CNKSR1: variants seen among roughly 807,000 people sequenced by gnomAD.
CNKSR1 encodes connector enhancer of kinase suppressor of Ras 1.
In CNKSR1, 88 loss-of-function variants were observed where a neutral mutation model predicts 95.6. That is an observed-to-expected ratio of 0.92 (90% CI 0.78 to 1.10). The LOEUF is 1.10. Ranked by LOEUF, CNKSR1 falls within the 50% of genes least tolerant of loss-of-function variation. CNKSR1 has a pLI of 0.00. For missense variants in CNKSR1, 836 were observed against 912.0 expected (o/e 0.92, Z 1.07); for synonymous variants, 355 against 369.7 (o/e 0.96, Z 0.46).
rs1039078442 is a variant in CNKSR1, at chr1:26,189,371, G to C, written c.1965G>C (p.Arg655=). 8.7e-6 allele frequency: 14 copies of C among 1,613,890 alleles called. No homozygotes were observed. Among genetic ancestry groups the C allele is most frequent in the Non-Finnish European group, 9.3e-6 (11 of 1,179,890 alleles). ...TCCGCCAGTGGAAGGAGCAGAACCG[G>C]GAGCTGTACTCAGAGGGCCTGGGGG... is the stretch of plus-strand genomic sequence containing the variant. ...EKFRQWKEQN[R]ELYSEGLGAW... is the part of the protein sequence containing the mutation. Residue 655 remains arginine (R), a synonymous_variant, in exon 21 of 21, where the codon CGG becomes CGC. Transcript: ENST00000361530.
chr1:26,183,934 C>A, intron 9 of CNKSR1, 104 bp downstream of exon 9: 2 of 537,956 alleles, frequency 3.7e-6, no homozygotes, highest in East Asian at 7.1e-5. Flanking sequence ...CCAACAGGCA[C>A]CTTCCCCTGC....
At chr1:26,188,123 C>T (rs1004365799) in intron 16 of CNKSR1, 111 bp from the exon 17 acceptor site, 1 of 903,914 alleles carries the variant, frequency 1.1e-6, no homozygotes, top group Admixed American at 1.9e-5. Flanking sequence ...GAGTTCATCC[C>T]TCTCAGAGTT....
rs757554517 is a variant in CNKSR1 at position 26,184,356 on chromosome 1, G to T, written c.1001-45G>T. 1.1e-4 allele frequency: 181 copies of T among 1,606,532 alleles called. 1 individual carries two copies. The highest frequency in any genetic ancestry group is 9.5e-4 in the Admixed American group (57 of 59,980). ...CACCCAGTTCTGACCCCAAGCCTGG[G>T]ACTGGGCTCATAGACTTTCCCTCTC... On this transcript the variant is annotated intron_variant, in intron 11 of 20. Transcript: ENST00000361530.
intron 8 of CNKSR1, 146 bp downstream of exon 8, chr1:26,183,560 T>C: frequency 4.8e-6 from 5 of 1,038,642 alleles, no homozygotes; most frequent in Non-Finnish European, 6.0e-6. Flanking sequence ...GGTGAGAGCA[T>C]CCTCTGCAGA....
chr1:26,177,979 AAAT>A (rs2088589467), intron 1 of CNKSR1, among the ~76,000 whole-genome samples: 2 of 152,068 alleles, frequency 1.3e-5, no homozygotes, highest in Admixed American at 6.5e-5. Context: ...AGAAAAAAAA[AAAT>A]AATAAACTGC....
intron 14 of CNKSR1, 132 bp downstream of exon 14, chr1:26,185,318 A>G: frequency 1.0e-6 from 1 of 962,914 alleles, no homozygotes; most frequent in Non-Finnish European, 1.6e-6. Context: ...TGGGGACTTT[A>G]TTCAGAGAGA....
rs191793424 is a variant in CNKSR1 at position 26,186,696 on chromosome 1, G to A, written c.1309-472G>A. 5.4e-4 allele frequency among the ~76,000 whole-genome samples: 82 copies of A among 151,708 alleles called. 1 individual carries two copies. Among genetic ancestry groups the A allele is most frequent in the African/African-American group, 1.9e-3 (77 of 41,334 alleles). On this transcript the variant is annotated intron_variant, in intron 14 of 20. Coordinates refer to ENST00000361530, the MANE Select transcript of CNKSR1 (RefSeq NM_006314.3). ...TCACCATGTTGGCCAGGCTGGTCTC[G>A]AACTCCTGACCTCATGATCTGCCCG...
chr1:26,180,217 A>C (rs1015956325), intron 1 of CNKSR1: 1 of 580,320 alleles, frequency 1.7e-6, no homozygotes, highest in African/African-American at 1.9e-5. Context: ...CATTTCTAAC[A>C]AGTTCTCCGG....
At chr1:26,182,664 C>CA (rs2088667366) in intron 6 of CNKSR1, 80 bp downstream of exon 6, 1 of 1,250,728 alleles carries the variant, frequency 8.0e-7, no homozygotes. Context: ...CAGGATCCCA[C>CA]AGAACCCTGT....
intron 14 of CNKSR1, among the ~76,000 whole-genome samples, chr1:26,185,518 G>A (rs968143212): frequency 2.7e-5 from 4 of 149,930 alleles, no homozygotes; most frequent in African/African-American, 7.4e-5. Context: ...TCAGCCTCCC[G>A]AGCAGCTGGA....
At position 26,189,660 on chromosome 1, in the gene CNKSR1, A is replaced by G. The variant is rs1467665688; in HGVS notation, c.*112A>G. On this transcript the variant is annotated 3_prime_UTR_variant, in exon 21 of 21. Transcript: ENST00000361530. ...GATTCTGTTCAGGGTGGGAAGTAGT[A>G]CTGCTAGTCATGGTCTCACCCCGAG... is the stretch of plus-strand genomic sequence containing the variant. 2.5e-6 allele frequency: 2 copies of G among 787,280 alleles called. No individual in the cohort carries two copies. Among genetic ancestry groups the G allele is most frequent in the South Asian group, 1.3e-5 (1 of 74,560 alleles). 48.8% of individuals were successfully genotyped at this position (787,280 alleles called of 1,614,324 possible).
rs781237931 is a variant in CNKSR1, at chr1:26,180,731, CAG to C, written c.231_232del (p.Asn78ProfsTer14). The C allele has an allele frequency of 7.4e-6, 12 of 1,614,194 alleles. No individual in the cohort carries two copies. Among genetic ancestry groups the C allele is most frequent in the Admixed American group, 1.7e-5 (1 of 60,022 alleles). Reference sequence around the variant, plus strand: ...CTGGCACAGAGCTCCAGGCTACAGACAGAGAACCTGCAAAGCCTGACAGAGGG... The same window carrying C: ...CTGGCACAGAGCTCCAGGCTACAGACAGAACCTGCAAAGCCTGACAGAGGG... On this transcript the variant is annotated frameshift_variant, in exon 3 of 21. Transcript: ENST00000361530. LOFTEE classifies it high-confidence loss of function.
chr1:26,188,310 A>AG lies in CNKSR1; in HGVS notation c.1528+5dup. ...GGCCCCCCCACCCCGAGAGGAAGGT[A>AG]GGTGTCTCGCAGGGTTGAGTGGGAG... On this transcript the variant is annotated splice_donor_region_variant and intron_variant, in intron 17 of 20. Coordinates refer to ENST00000361530, the MANE Select transcript of CNKSR1 (RefSeq NM_006314.3). 1 of 1,613,926 alleles carries AG rather than the reference A, an allele frequency of 6.2e-7. No homozygotes were observed. Among genetic ancestry groups the AG allele is most frequent in the Non-Finnish European group, 8.5e-7 (1 of 1,179,886 alleles).
Position 26,184,996 on chromosome 1 carries a change from T to C in CNKSR1, c.1136-18T>C, listed in dbSNP as rs759999094. On this transcript the variant is annotated intron_variant, in intron 13 of 20. Coordinates refer to ENST00000361530, the MANE Select transcript of CNKSR1 (RefSeq NM_006314.3). ...CTTGCCAGCCCCTCACTGCCCAGCT[T>C]GTGCTGTGCTGCTACAGGCCTGGCG... 8.2e-6 allele frequency: 13 copies of C among 1,586,976 alleles called. No homozygotes were observed. In the African/African-American group the frequency reaches 1.7e-4, roughly 21 times the overall value.
chr1:26,189,352 A>G lies in CNKSR1; in HGVS notation c.1946A>G (p.Gln649Arg). ...DPELTGEKFR[Q>R]WKEQNRELYS... The stretch of plus-strand genomic sequence containing the variant: ...GAGCTGACAGGAGAGAAGTTCCGCC[A>G]GTGGAAGGAGCAGAACCGGGAGCTG... The change falls in exon 21 of 21, where the codon CAG becomes CGG. Residue 649 changes from glutamine to arginine, a missense_variant. By Grantham distance (43) the Gln-to-Arg change is conservative (BLOSUM62 1). Coordinates refer to ENST00000361530, the MANE Select transcript of CNKSR1 (RefSeq NM_006314.3). 6.2e-7 allele frequency: 1 copy of G among 1,614,144 alleles called. No homozygotes were observed. The highest frequency in any genetic ancestry group is 1.1e-5 in the South Asian group (1 of 91,082).
At chr1:26,186,561 T>G (rs2124514808) in intron 14 of CNKSR1, among the ~76,000 whole-genome samples, 1 of 151,878 alleles carries the variant, frequency 6.6e-6, no homozygotes, top group East Asian at 1.9e-4. Context: ...GGCAACCTTT[T>G]CCTCCCAGGT....
At chr1:26,187,645 CAG>C (rs2088779528) in intron 16 of CNKSR1, among the ~76,000 whole-genome samples, 163 bp downstream of exon 16, 2 of 123,490 alleles carry the variant, frequency 1.6e-5, no homozygotes, top group African/African-American at 6.4e-5. Flanking sequence ...TTTTTTGAGA[CAG>C]AGTCTCACTA....
At chr1:26,183,868 C>T (rs765452416) in intron 9 of CNKSR1, 38 bp downstream of exon 9, 13 of 565,858 alleles carry the variant, frequency 2.3e-5, no homozygotes, top group South Asian at 1.7e-4. Flanking sequence ...GCCTTCAGAC[C>T]CCCCCCTCCA....
chr1:26,180,957 G>A (rs2088638284), intron 3 of CNKSR1, 61 bp downstream of exon 3: 1 of 1,598,962 alleles, frequency 6.3e-7, no homozygotes, highest in Admixed American at 1.7e-5. Flanking sequence ...TTCAGGGCGT[G>A]GGAGAGAAAA....
Sources: gnomAD v4.1 joint callset for allele counts (sites outside exome capture counted in the v4.1 genomes callset) on GRCh38, gnomAD v4.1.1 for gene constraint, MANE v1.5 for transcripts, NCBI Gene and HGNC (gene_info 2026-07-23, HGNC 2026-07-21) for gene names.